ALG13: variants seen among roughly 807,000 people sequenced by gnomAD.
The protein encoded by ALG13 is ALG13 UDP-N-acetylglucosaminyltransferase subunit, also known as UDP-N-acetylglucosamine transferase subunit ALG13.
In ALG13, 11 loss-of-function variants were observed where a neutral mutation model predicts 87.8. That is an observed-to-expected ratio of 0.13 (90% confidence interval 0.08 to 0.21). The LOEUF is 0.21. ALG13 is among the 10% of genes least tolerant of loss of function. The pLI is 1.00. For synonymous variants in ALG13, 320 were observed against 306.3 expected, an observed-to-expected ratio of 1.04 and a Z score of -0.47; for missense variants, 756 against 866.1, an observed-to-expected ratio of 0.87 and a Z score of 1.60.
chrX:111,752,242 T>G (rs1177626911), intron 24 of ALG13, among the ~76,000 whole-genome samples: 1 of 111,716 alleles, frequency 9.0e-6, no homozygotes, highest in African/African-American at 3.3e-5. Context: ...TCCTGTAACA[T>G]CTGCCTACAA....
chrX:111,721,647 C>G lies in ALG13; in HGVS notation c.1371C>G (p.Leu457=). Residue 457 remains leucine (L), a synonymous_variant, in exon 12 of 27, where the codon CTC becomes CTG. Coordinates refer to ENST00000394780, the MANE Select transcript of ALG13 (RefSeq NM_001099922.3). ...AGATGCCCTTCCCCTATAAGGTGCT[C>G]AAAGCCCTGGATCCAGAAATCTATC... is the stretch of plus-strand genomic sequence containing the variant. ...PSKMPFPYKV[L]KALDPEIYRN... is the part of the protein sequence containing the mutation. 8.3e-7 allele frequency: 1 copy of G among 1,204,505 alleles called. No individual in the cohort carries two copies. Among genetic ancestry groups the G allele is most frequent in the Non-Finnish European group, 1.1e-6 (1 of 891,085 alleles).
At chrX:111,699,709 T>G (rs1937471633) in intron 3 of ALG13, among the ~76,000 whole-genome samples, 1 of 111,624 alleles carries the variant, frequency 9.0e-6, no homozygotes, top group African/African-American at 3.3e-5. Flanking sequence ...TAGGTTTCTT[T>G]CTGGGCTTTC....
At chrX:111,721,743 C>T (rs1941420292) in intron 12 of ALG13, 32 bp downstream of exon 12, 1 of 996,282 alleles carries the variant, frequency 1.0e-6, no homozygotes, top group African/African-American at 1.9e-5. Context: ...ACTTTTGAAT[C>T]CTGACAAATC....
chrX:111,755,994 C>T (rs1945213175), intron 25 of ALG13, among the ~76,000 whole-genome samples: 1 of 112,088 alleles, frequency 8.9e-6, no homozygotes, highest in Non-Finnish European at 1.9e-5. Context: ...ATTCACAATG[C>T]CAAAGACTTG....
In ALG13 at chrX:111,727,431, C is replaced by G; in HGVS notation, c.2076C>G (p.Phe692Leu). The change falls in exon 17 of 27, where the codon TTC becomes TTG. Residue 692 changes from phenylalanine (F) to leucine (L), a missense_variant. Physicochemically the swap from Phe to Leu is conservative, Grantham distance 22 (BLOSUM62 0). This residue lies in a region of ALG13 where 362 missense variants were observed against 383.5 expected (regional missense o/e 0.94). Coordinates refer to ENST00000394780, the MANE Select transcript of ALG13 (RefSeq NM_001099922.3). ...GGTGCTGCCAGAGCTATGATAACTTCTCTTATAGATCTCGGTAAGTATTGT... is the reference window on the plus strand; with the variant it reads ...GGTGCTGCCAGAGCTATGATAACTTGTCTTATAGATCTCGGTAAGTATTGT... ...GKRCCQSYDN[F>L]SYRSRSFRRS... The G allele has an allele frequency of 8.3e-7, 1 of 1,202,467 alleles. No homozygotes were observed. Among genetic ancestry groups the G allele is most frequent in the South Asian group, 1.8e-5 (1 of 55,832 alleles).
At chrX:111,754,602 A>G (rs1945065368) in intron 25 of ALG13, among the ~76,000 whole-genome samples, 1 of 112,308 alleles carries the variant, frequency 8.9e-6, no homozygotes, top group South Asian at 3.7e-4. Context: ...GCAACACAAA[A>G]TCAGTGTGCA....
chrX:111,702,583 T>C (rs902803522), intron 3 of ALG13, among the ~76,000 whole-genome samples: 2 of 111,617 alleles, frequency 1.8e-5, no homozygotes, highest in African/African-American at 6.5e-5. Context: ...ACCTTTATTA[T>C]CTTTTTTGAG....
chrX:111,694,233 G>C (rs1936640655), intron 3 of ALG13, among the ~76,000 whole-genome samples: 1 of 109,535 alleles, frequency 9.1e-6, no homozygotes, highest in Admixed American at 9.8e-5. Flanking sequence ...TTTTGGTAGA[G>C]ACAGGGTTTC....
At chrX:111,719,311 C>T (rs1602701459) in intron 10 of ALG13, among the ~76,000 whole-genome samples, 2 of 111,263 alleles carry the variant, frequency 1.8e-5, no homozygotes, top group African/African-American at 3.3e-5. Flanking sequence ...AGACGTGAGC[C>T]ACCACACCCG....
chrX:111,757,844 A>G (rs1945408498), intron 26 of ALG13, 82 bp downstream of exon 26: 1 of 937,523 alleles, frequency 1.1e-6, no homozygotes, highest in African/African-American at 1.9e-5. Context: ...CATATATTTC[A>G]TCAGGTCCAT....
chrX:111,714,137 C>G (rs1391349224), intron 8 of ALG13: 1 of 111,066 alleles, frequency 9.0e-6, no homozygotes, highest in African/African-American at 3.3e-5. Flanking sequence ...ATAGAGAAGA[C>G]TGAATAGGAG....
At chrX:111,736,164 G>A (rs991613959) in intron 22 of ALG13, among the ~76,000 whole-genome samples, 7 of 110,960 alleles carry the variant, frequency 6.3e-5, no homozygotes, top group South Asian at 3.9e-4. Context: ...TTAGCTGTGC[G>A]TGGTGGTGCG....
chrX:111,707,599 C>G (rs1384448465), intron 3 of ALG13, among the ~76,000 whole-genome samples: 1 of 111,940 alleles, frequency 8.9e-6, no homozygotes, highest in Non-Finnish European at 1.9e-5. Context: ...GGTATTAATG[C>G]AAATGCTTAC....
intron 24 of ALG13, among the ~76,000 whole-genome samples, chrX:111,750,018 G>T (rs749427167): frequency 9.0e-6 from 1 of 111,626 alleles, no homozygotes; most frequent in Non-Finnish European, 1.9e-5. Context: ...GTAGATTAAA[G>T]TTCAACAGAC....
At position 111,757,759 on chromosome X, in the gene ALG13, A is replaced by G. The variant is rs759347694; in HGVS notation, c.3145A>G (p.Asn1049Asp). ...TGGCATACAGGCGGAAGCATCAGCAAATGGTGAGTGTGTAATGAGATTGCC... is the reference window on the plus strand; with the variant it reads ...TGGCATACAGGCGGAAGCATCAGCAGATGGTGAGTGTGTAATGAGATTGCC... ...EDGIQAEASANDTFPNADSSS... is the reference protein window; with the variant it reads ...EDGIQAEASADDTFPNADSSS... The change falls in exon 26 of 27, where the codon AAT becomes GAT. Residue 1049 changes from asparagine to aspartate, a missense_variant. This residue lies in a region of ALG13 where 110 missense variants were observed against 104.9 expected (regional missense o/e 1.05). Coordinates refer to ENST00000394780, the MANE Select transcript of ALG13 (RefSeq NM_001099922.3). 14 of 1,203,325 alleles carry G rather than the reference A, an allele frequency of 1.2e-5. No homozygotes were observed. In the South Asian group the frequency reaches 2.2e-4, roughly 19 times the overall value.
intron 24 of ALG13, among the ~76,000 whole-genome samples, chrX:111,748,744 G>A (rs771021123): frequency 1.9e-4 from 21 of 111,233 alleles, no homozygotes; most frequent in Non-Finnish European, 3.2e-4. Flanking sequence ...TTTTAATTCT[G>A]ATGGAATCTA....
Position 111,684,945 on chromosome X carries a change from A to G in ALG13, c.245-20A>G. The G allele has an allele frequency of 8.4e-7, 1 of 1,187,172 alleles. No individual in the cohort carries two copies. Among genetic ancestry groups the G allele is most frequent in the African/African-American group, 1.8e-5 (1 of 56,383 alleles). ...AACTTATTTCAAATTGTGTTGAACA[A>G]ATTTGATTTATATTTGTAGGTGCAG... On this transcript the variant is annotated intron_variant, in intron 2 of 26. Coordinates refer to ENST00000394780, the MANE Select transcript of ALG13 (RefSeq NM_001099922.3).
intron 15 of ALG13, among the ~76,000 whole-genome samples, chrX:111,726,236 T>TTG (rs1556505538): frequency 5.2e-5 from 5 of 96,829 alleles, no homozygotes; most frequent in African/African-American, 1.6e-4. Flanking sequence ...TGTTTTGTTT[T>TTG]TTTTTTTTTT....
In ALG13 at chrX:111,711,735, A is replaced by G; in HGVS notation, c.885+10A>G. The G allele has an allele frequency of 8.4e-7, 1 of 1,196,034 alleles. No individual in the cohort carries two copies. The highest frequency in any genetic ancestry group is 1.1e-6 in the Non-Finnish European group (1 of 883,476). The stretch of plus-strand genomic sequence containing the variant: ...GTTGGGAGATCCCAAGGTAAGATCA[A>G]ATATGGGGGTTTAATCTTTTCAGAG... On this transcript the variant is annotated intron_variant, in intron 6 of 26. Coordinates refer to ENST00000394780, the MANE Select transcript of ALG13 (RefSeq NM_001099922.3).
Sources: allele counts gnomAD v4.1 joint callset (sites outside exome capture counted in the v4.1 genomes callset), GRCh38; gene constraint gnomAD v4.1.1; regional missense constraint gnomAD v4.1.1; transcripts MANE v1.5; gene names NCBI Gene and HGNC (gene_info 2026-07-23, HGNC 2026-07-21).